Variants in TMC7 observed in about 807,000 individuals in gnomAD.
TMC7 encodes the protein transmembrane channel like 7, also known as transmembrane channel-like protein 7.
Under a neutral mutation model 82.9 loss-of-function variants are expected in TMC7, and 54 were observed. The ratio of observed to expected loss-of-function variants is 0.65; its 90% CI spans 0.52 to 0.82. The LOEUF is 0.82. TMC7 is among the 40% of genes least tolerant of loss of function. The probability of loss-of-function intolerance (pLI) is 0.00; values close to 1 mark genes in which losing one functional copy is unlikely to be tolerated. For synonymous variants in TMC7, 350 were observed against 337.9 expected (o/e 1.04, Z -0.39); for missense variants, 820 against 901.2 (o/e 0.91, Z 1.15).
chr16:19,026,476 C>CA (rs567272137), intron 5 of TMC7, among the ~76,000 whole-genome samples: 6,649 of 110,962 alleles, frequency 0.06, 238 homozygotes, highest in South Asian at 0.14. Flanking sequence ...GACTCCGTCT[C>CA]AAAAAAAAAA....
At chr16:18,997,421 G>C (rs2039062221) in intron 1 of TMC7, among the ~76,000 whole-genome samples, 1 of 152,166 alleles carries the variant, frequency 6.6e-6, no homozygotes. Context: ...CCAGACTGGA[G>C]TGCAGTGGTG....
intron 11 of TMC7, 130 bp from the exon 12 acceptor site, chr16:19,046,933 C>A: frequency 1.4e-6 from 1 of 714,598 alleles, no homozygotes; most frequent in Non-Finnish European, 2.3e-6. Context: ...TCATTATATT[C>A]TGCATCTTTA....
intron 6 of TMC7, among the ~76,000 whole-genome samples, chr16:19,034,968 T>C (rs1960678987): frequency 6.6e-6 from 1 of 152,008 alleles, no homozygotes; most frequent in Non-Finnish European, 1.5e-5. Context: ...AAAAGACATA[T>C]GCACTCGTAT....
At chr16:19,006,203 CTTTT>C (rs780064058) in intron 1 of TMC7, among the ~76,000 whole-genome samples, 2 of 142,298 alleles carry the variant, frequency 1.4e-5, no homozygotes, top group African/African-American at 5.1e-5. Context: ...CCAGGGTGAC[CTTTT>C]TTTTTTTTTT....
intron 1 of TMC7, 66 bp downstream of exon 1, chr16:18,984,196 G>C: frequency 1.4e-6 from 2 of 1,412,960 alleles, no homozygotes; most frequent in Non-Finnish European, 9.2e-7. Context: ...GGAGGGAGCC[G>C]GGTGCTGGAG....
chr16:19,038,516 C>CT (rs1567522129), intron 8 of TMC7, among the ~76,000 whole-genome samples: 1 of 150,248 alleles, frequency 6.7e-6, no homozygotes, highest in Non-Finnish European at 1.5e-5. Flanking sequence ...TTTAAGAGAA[C>CT]TTTTTTGTTT....
chr16:19,029,132 A>T (rs1157856139), intron 5 of TMC7, among the ~76,000 whole-genome samples: 1 of 150,890 alleles, frequency 6.6e-6, no homozygotes, highest in Admixed American at 6.6e-5. Context: ...CAGCCTCCCG[A>T]GTAGCTGGGA....
chr16:19,011,549 A>AT (rs1555514608), intron 2 of TMC7, among the ~76,000 whole-genome samples: 11 of 138,008 alleles, frequency 8.0e-5, no homozygotes, highest in African/African-American at 2.3e-4. Flanking sequence ...AAATAAATAA[A>AT]ATAATAATAA....
intron 1 of TMC7, among the ~76,000 whole-genome samples, chr16:19,004,060 T>TA (rs2039190905): frequency 7.0e-6 from 1 of 143,774 alleles, no homozygotes; most frequent in Non-Finnish European, 1.5e-5. Context: ...AAAAAAAAAA[T>TA]ACCAGGGCAA....
At chr16:18,988,707 G>A (rs1361505776) in intron 1 of TMC7, among the ~76,000 whole-genome samples, 1 of 152,222 alleles carries the variant, frequency 6.6e-6, no homozygotes, top group Non-Finnish European at 1.5e-5. Context: ...TTACGGGCAT[G>A]ACTGCATGTG....
chr16:18,986,013 A>G (rs1311126174), intron 1 of TMC7, among the ~76,000 whole-genome samples: 2 of 151,870 alleles, frequency 1.3e-5, no homozygotes, highest in African/African-American at 2.4e-5. Flanking sequence ...AGCCTGGGTG[A>G]CAGAACTAGA....
At chr16:19,013,489 T>G (rs1224205479) in intron 2 of TMC7, among the ~76,000 whole-genome samples, 1 of 152,062 alleles carries the variant, frequency 6.6e-6, no homozygotes, top group Non-Finnish European at 1.5e-5. Flanking sequence ...AGTCCTGGGA[T>G]TACAGGCATG....
chr16:19,061,683 C>A, intron 15 of TMC7, 95 bp from the exon 16 acceptor site: 1 of 1,006,354 alleles, frequency 9.9e-7, no homozygotes, highest in Non-Finnish European at 1.5e-6. Context: ...TTACAATAGT[C>A]CAGTGGTTAG....
chr16:19,025,035 G>C (rs186733230), intron 5 of TMC7, among the ~76,000 whole-genome samples: 1 of 151,932 alleles, frequency 6.6e-6, no homozygotes, highest in Non-Finnish European at 1.5e-5. Context: ...TATAAGTACT[G>C]GGGGAACAGG....
intron 4 of TMC7, 49 bp downstream of exon 4, chr16:19,021,845 G>A (rs764118286): frequency 6.3e-7 from 1 of 1,583,214 alleles, no homozygotes; most frequent in South Asian, 1.1e-5. Context: ...TTTTCACCAT[G>A]TACCTTGCTA....
intron 1 of TMC7, among the ~76,000 whole-genome samples, chr16:18,999,269 G>C (rs747233124): frequency 2.0e-5 from 3 of 152,116 alleles, no homozygotes; most frequent in Non-Finnish European, 2.9e-5. Flanking sequence ...CAAAGTGTTG[G>C]GATTATAGGC....
intron 1 of TMC7, among the ~76,000 whole-genome samples, chr16:19,002,389 C>T (rs1382516254): frequency 2.0e-5 from 3 of 152,096 alleles, no homozygotes; most frequent in African/African-American, 7.2e-5. Context: ...GCATGCATCA[C>T]CACGCCCGGC....
Position 18,984,141 on chromosome 16 carries a change from A to G in TMC7, c.67+11A>G. ...CGGCGGTCCATCCAGGTAGGGCGGC[A>G]GGGAGCGCGCGCGGGGACGGTGCCC... On this transcript the variant is annotated intron_variant, in intron 1 of 15. Transcript: ENST00000304381. The G allele has an allele frequency of 1.3e-6, 2 of 1,492,338 alleles. No individual in the cohort carries two copies. Among genetic ancestry groups the G allele is most frequent in the Non-Finnish European group, 1.8e-6 (2 of 1,128,832 alleles). 92.4% of individuals were successfully genotyped at this position (1,492,338 alleles called of 1,614,324 possible).
chr16:18,991,681 AC>A (rs2038953636), intron 1 of TMC7, among the ~76,000 whole-genome samples: 1 of 152,058 alleles, frequency 6.6e-6, no homozygotes, highest in Admixed American at 6.6e-5. Flanking sequence ...GGTATGCTGC[AC>A]CCATTAACTC....
Sources: gnomAD v4.1 joint callset for allele counts (sites outside exome capture counted in the v4.1 genomes callset) on GRCh38, gnomAD v4.1.1 for gene constraint, MANE v1.5 for transcripts, NCBI Gene and HGNC (gene_info 2026-07-23, HGNC 2026-07-21) for gene names.